Variants in MAVS observed in about 807,000 individuals in gnomAD.
The protein encoded by MAVS is mitochondrial antiviral signaling protein, also known as mitochondrial antiviral-signaling protein.
MAVS carries 20 observed loss-of-function variants against 30.2 expected under a neutral mutation model. The observed-to-expected ratio is 0.66, with a 90% CI of 0.47 to 0.96. MAVS has a LOEUF of 0.96. Ranked by LOEUF, MAVS falls within the 40% of genes least tolerant of loss-of-function variation. MAVS has a pLI of 0.00. For missense variants in MAVS, 624 were observed against 701.1 expected, an observed-to-expected ratio of 0.89 and a Z score of 1.24; for synonymous variants, 278 against 293.9, an observed-to-expected ratio of 0.95 and a Z score of 0.55.
At chr20:3,857,562 G>A in intron 2 of MAVS, 73 bp from the exon 3 acceptor site, 3 of 1,532,736 alleles carry the variant, frequency 2.0e-6, no homozygotes, top group Non-Finnish European at 2.6e-6. Flanking sequence ...TCCCCCCGCT[G>A]TGGCTTCATT....
At chr20:3,851,339 C>A (rs1280699950) in intron 1 of MAVS, among the ~76,000 whole-genome samples, 1 of 146,334 alleles carries the variant, frequency 6.8e-6, no homozygotes, top group Non-Finnish European at 1.5e-5. Flanking sequence ...AAAACAACAA[C>A]AACAACAAAC....
At chr20:3,860,221 G>A (rs567088479) in intron 3 of MAVS, among the ~76,000 whole-genome samples, 20 of 149,964 alleles carry the variant, frequency 1.3e-4, no homozygotes, top group Non-Finnish European at 2.2e-4. Flanking sequence ...TAATCATGAG[G>A]AGAACCCCCA....
chr20:3,850,122 A>G (rs995920585), intron 1 of MAVS, among the ~76,000 whole-genome samples: 3 of 151,442 alleles, frequency 2.0e-5, no homozygotes, highest in African/African-American at 7.3e-5. Context: ...CTAAAAATAC[A>G]AAAAATTAGC....
At position 3,854,193 on chromosome 20, in the gene MAVS, G is replaced by A. The variant is rs374819926; in HGVS notation, c.-67-365G>A. On this transcript the variant is annotated intron_variant, in intron 1 of 6. Transcript: ENST00000428216. ...ATCCCCAAACTTGGGAGGCCGAGGC[G>A]GGTGGACCACTTGAGGTCAGGAGTC... 1.4e-4 allele frequency among the ~76,000 whole-genome samples: 21 copies of A among 151,876 alleles called. No individual in the cohort carries two copies. In the East Asian group the frequency reaches 3.3e-3, roughly 24 times the overall value.
intron 1 of MAVS, among the ~76,000 whole-genome samples, chr20:3,848,511 C>T (rs1401671792): frequency 1.3e-5 from 2 of 152,338 alleles, no homozygotes; most frequent in South Asian, 2.1e-4. Flanking sequence ...GTACTTGCCC[C>T]ACGAGGAATG....
rs1451240091 is a variant in MAVS at position 3,869,956 on chromosome 20, T to C, written c.*3809T>C. ...CTCAAAGCCGTGACTTGGCCTACTTTGAACAGCAAACTTGTTGCTGCTGTT... is the reference window on the plus strand; with the variant it reads ...CTCAAAGCCGTGACTTGGCCTACTTCGAACAGCAAACTTGTTGCTGCTGTT... On this transcript the variant is annotated 3_prime_UTR_variant, in exon 7 of 7. Transcript: ENST00000428216. The C allele has an allele frequency of 6.6e-6, 1 of 152,346 alleles. No homozygotes were observed. The highest frequency in any genetic ancestry group is 1.5e-5 in the Non-Finnish European group (1 of 68,068). 9.4% of individuals were successfully genotyped at this position (152,346 alleles called of 1,614,324 possible). A position where few individuals can be genotyped will look rare whatever the true frequency, so the allele number is the denominator to read the frequency against.
chr20:3,855,222 G>A (rs987021563), intron 2 of MAVS, among the ~76,000 whole-genome samples: 12 of 152,136 alleles, frequency 7.9e-5, no homozygotes, highest in Non-Finnish European at 1.5e-4. Flanking sequence ...GTGTGGCTCA[G>A]GGTGGCGTTG....
intron 1 of MAVS, among the ~76,000 whole-genome samples, chr20:3,853,276 G>GGAGT (rs2089778428): frequency 2.0e-5 from 3 of 150,620 alleles, no homozygotes; most frequent in Non-Finnish European, 1.5e-5. Flanking sequence ...CACGAGGTCA[G>GGAGT]TAAATCGAGA....
intron 2 of MAVS, among the ~76,000 whole-genome samples, chr20:3,856,147 T>G (rs897156802): frequency 6.6e-6 from 1 of 151,098 alleles, no homozygotes; most frequent in Non-Finnish European, 1.5e-5. Flanking sequence ...CTCTGCCTCC[T>G]GGGTTCACGC....
intron 1 of MAVS, among the ~76,000 whole-genome samples, chr20:3,853,558 C>A (rs1486146454): frequency 2.0e-5 from 3 of 151,622 alleles, no homozygotes; most frequent in African/African-American, 4.8e-5. Flanking sequence ...ACTTGACAGG[C>A]GGAGGCAGGG....
rs938350985 is a variant in MAVS, at chr20:3,866,930, C to G, written c.*783C>G. ...GTTTGGATTTCAGCTCCCTCACTTC[C>G]GGGGCTGTGTGGCTTTGGCAGATGT... On this transcript the variant is annotated 3_prime_UTR_variant, in exon 7 of 7. Coordinates refer to ENST00000428216, the MANE Select transcript of MAVS (RefSeq NM_020746.5). The G allele has an allele frequency of 2.2e-6, 1 of 456,980 alleles. No individual in the cohort carries two copies. Among genetic ancestry groups the G allele is most frequent in the Non-Finnish European group, 4.4e-6 (1 of 226,978 alleles). 28.3% of individuals were successfully genotyped at this position (456,980 alleles called of 1,614,324 possible). A position where few individuals can be genotyped will look rare whatever the true frequency, so the allele number is the denominator to read the frequency against.
At chr20:3,859,268 G>A (rs2089841512) in intron 3 of MAVS, among the ~76,000 whole-genome samples, 1 of 152,020 alleles carries the variant, frequency 6.6e-6, no homozygotes, top group Admixed American at 6.6e-5. Context: ...AGCACTTTGG[G>A]AGGCCGAGGC....
intron 1 of MAVS, among the ~76,000 whole-genome samples, chr20:3,850,658 A>G (rs918306393): frequency 3.3e-5 from 5 of 151,450 alleles, no homozygotes; most frequent in Non-Finnish European, 7.4e-5. Context: ...AGGCCGAGGC[A>G]GGCGGATCAC....
rs1185101713 is a variant in MAVS at position 3,869,038 on chromosome 20, C to G, written c.*2891C>G. ...TTTTTTCTTTTTTTTAGAGAATCAC[C>G]CAGCCTGGAGCGAAGTGGTGCAATC... On this transcript the variant is annotated 3_prime_UTR_variant, in exon 7 of 7. Coordinates refer to ENST00000428216, the MANE Select transcript of MAVS (RefSeq NM_020746.5). 3 of 152,202 alleles carry G rather than the reference C, an allele frequency of 2.0e-5. No homozygotes were observed. Among genetic ancestry groups the G allele is most frequent in the Non-Finnish European group, 4.4e-5 (3 of 68,058 alleles). The allele number at this position is 152,202 out of a possible 1,614,324, so 9.4% of individuals were successfully genotyped here. A position where few individuals can be genotyped will look rare whatever the true frequency, so the allele number is the denominator to read the frequency against.
intron 1 of MAVS, 47 bp from the exon 2 acceptor site, chr20:3,854,511 T>A: frequency 1.4e-5 from 8 of 566,830 alleles, no homozygotes; most frequent in East Asian, 1.2e-4. Flanking sequence ...CCAGCCCCAC[T>A]CCCAACCCCC....
Position 3,871,437 on chromosome 20 carries a change from T to C in MAVS, c.*5290T>C, listed in dbSNP as rs2089954793. The C allele has an allele frequency of 6.5e-6, 1 of 153,642 alleles. No homozygotes were observed. The highest frequency in any genetic ancestry group is 2.4e-5 in the African/African-American group (1 of 41,432). 9.5% of individuals were successfully genotyped at this position (153,642 alleles called of 1,614,324 possible). On this transcript the variant is annotated 3_prime_UTR_variant, in exon 7 of 7. Transcript: ENST00000428216. ...GCGGGTTCCTCTGTTGTCAAGCTCTTTGGAGGTGCCTGGCTGCTACTACTG... is the reference window on the plus strand; with the variant it reads ...GCGGGTTCCTCTGTTGTCAAGCTCTCTGGAGGTGCCTGGCTGCTACTACTG...
chr20:3,865,557 C>A lies in MAVS; in HGVS notation c.1159-126C>A. 2.3e-6 allele frequency: 2 copies of A among 875,696 alleles called. No homozygotes were observed. Among genetic ancestry groups the A allele is most frequent in the Non-Finnish European group, 3.4e-6 (2 of 583,104 alleles). 54.2% of individuals were successfully genotyped at this position (875,696 alleles called of 1,614,324 possible). On this transcript the variant is annotated intron_variant, in intron 6 of 6. Transcript: ENST00000428216. This position sits in a 1 kb window ranked among gnomAD's most constrained non-coding sequence, Gnocchi z 4.7. Reference sequence around the variant, plus strand: ...GCTCCAAGAAAAGGTGGCCTAGGGGCATTATAGATTGGGAATTGAGGGGTT... The same window carrying A: ...GCTCCAAGAAAAGGTGGCCTAGGGGAATTATAGATTGGGAATTGAGGGGTT...
chr20:3,855,174 C>G (rs112929008), intron 2 of MAVS, among the ~76,000 whole-genome samples: 11,459 of 152,146 alleles, frequency 0.075, 572 homozygotes, highest in Admixed American at 0.16. Flanking sequence ...CAGGCGTGAG[C>G]CACCGCACCC....
intron 3 of MAVS, among the ~76,000 whole-genome samples, chr20:3,859,491 G>T (rs1321950585): frequency 7.1e-6 from 1 of 140,466 alleles, no homozygotes; most frequent in Non-Finnish European, 1.5e-5. Context: ...CTGGATGACA[G>T]AGTGAGACTC....
Sources: allele counts gnomAD v4.1 joint callset (sites outside exome capture counted in the v4.1 genomes callset), GRCh38; gene constraint gnomAD v4.1.1; non-coding constraint Gnocchi (gnomAD v3.1); transcripts MANE v1.5; gene names NCBI Gene and HGNC (gene_info 2026-07-23, HGNC 2026-07-21).